The following FAT3 variants were observed in gnomAD, a reference collection of about 807,000 sequenced individuals.
The protein encoded by FAT3 is FAT atypical cadherin 3.
Under a neutral mutation model 310.2 loss-of-function variants are expected in FAT3, and 95 were observed. The ratio of observed to expected loss-of-function variants is 0.31; its 90% CI spans 0.26 to 0.36. The LOEUF (loss-of-function observed/expected upper bound fraction) is 0.36. Ranked by LOEUF, FAT3 falls within the 10% of genes least tolerant of loss-of-function variation. FAT3 has a pLI of 1.00. For missense variants in FAT3, 5,408 were observed against 5,715.6 expected (o/e 0.95, Z 1.74); for synonymous variants, 2,314 against 2,192.9 (o/e 1.06, Z -1.54).
At chr11:92,826,217 T>C (rs1042083249) in intron 13 of FAT3, among the ~76,000 whole-genome samples, 4 of 152,336 alleles carry the variant, frequency 2.6e-5, no homozygotes, top group South Asian at 4.1e-4. Context: ...AATAAGGCCA[T>C]GGCAAAGGAA....
intron 3 of FAT3, among the ~76,000 whole-genome samples, chr11:92,615,517 G>A (rs1318060205): frequency 6.6e-6 from 1 of 152,142 alleles, no homozygotes; most frequent in African/African-American, 2.4e-5. Flanking sequence ...GAAGTGCTGG[G>A]ATTACAGGCG....
intron 1 of FAT3, among the ~76,000 whole-genome samples, chr11:92,333,720 C>T (rs1264772826): frequency 6.6e-6 from 1 of 150,522 alleles, no homozygotes; most frequent in Non-Finnish European, 1.5e-5. Context: ...AAATATACAT[C>T]TTACCTTAAA....
At chr11:92,577,948 G>A (rs1938576827) in intron 3 of FAT3, among the ~76,000 whole-genome samples, 1 of 152,042 alleles carries the variant, frequency 6.6e-6, no homozygotes, top group African/African-American at 2.4e-5. Context: ...TGGAGAGAGA[G>A]AAGAGGAGAA....
intron 22 of FAT3, among the ~76,000 whole-genome samples, chr11:92,873,294 C>T (rs1236412100): frequency 1.3e-5 from 2 of 152,198 alleles, no homozygotes; most frequent in Admixed American, 1.3e-4. Context: ...CTCACCACCA[C>T]ATCACAGCCA....
intron 2 of FAT3, among the ~76,000 whole-genome samples, chr11:92,433,153 G>T (rs973953160): frequency 7.9e-5 from 12 of 152,190 alleles, no homozygotes; most frequent in Non-Finnish European, 1.6e-4. Context: ...CAAGGCAGTG[G>T]ATCTTAGTTT....
chr11:92,610,696 T>C (rs564693664), intron 3 of FAT3, among the ~76,000 whole-genome samples: 2 of 152,200 alleles, frequency 1.3e-5, no homozygotes, highest in Non-Finnish European at 2.9e-5. Context: ...GTTTCTTTTT[T>C]GCACTTATCA....
intron 2 of FAT3, among the ~76,000 whole-genome samples, chr11:92,365,956 A>G (rs991871850): frequency 1.3e-5 from 2 of 152,228 alleles, no homozygotes; most frequent in African/African-American, 4.8e-5. Context: ...AATGTAACAC[A>G]TACACTAAAG....
chr11:92,683,077 A>AAAAAAAAAAG (rs1173270759), intron 3 of FAT3, among the ~76,000 whole-genome samples: 1 of 151,516 alleles, frequency 6.6e-6, no homozygotes, highest in East Asian at 1.9e-4. Context: ...GACTCTAAAA[A>AAAAAAAAAAG]AAAAAAAAAG....
chr11:92,714,452 T>C (rs1289382685), intron 4 of FAT3, among the ~76,000 whole-genome samples: 1 of 152,116 alleles, frequency 6.6e-6, no homozygotes, highest in Non-Finnish European at 1.5e-5. Context: ...TACACTGTTG[T>C]TTCTAATCTC....
intron 1 of FAT3, among the ~76,000 whole-genome samples, chr11:92,244,057 C>T (rs1262547274): frequency 6.6e-6 from 1 of 152,018 alleles, no homozygotes; most frequent in Non-Finnish European, 1.5e-5. Context: ...TTCCTCAACT[C>T]CAGAGTCAGA....
In FAT3 at chr11:92,895,129, A is replaced by G. The variant is rs1396064457; in HGVS notation, c.*4016A>G. 6.6e-6 allele frequency: 1 copy of G among 152,252 alleles called. No individual in the cohort carries two copies. The highest frequency in any genetic ancestry group is 1.5e-5 in the Non-Finnish European group (1 of 68,040). The allele number at this position is 152,252 out of a possible 1,614,324, so 9.4% of individuals were successfully genotyped here. A position where few individuals can be genotyped will look rare whatever the true frequency, so the allele number is the denominator to read the frequency against. On this transcript the variant is annotated 3_prime_UTR_variant, in exon 28 of 28. Transcript: ENST00000525166. ...TCACTCCGCTGCCTTCCCAGTGCAC[A>G]GGTATTGCTAAAGTGGTTAGGCTTT...
At chr11:92,567,296 C>T (rs1763665914) in intron 3 of FAT3, among the ~76,000 whole-genome samples, 1 of 143,360 alleles carries the variant, frequency 7.0e-6, no homozygotes, top group African/African-American at 2.6e-5. Flanking sequence ...TGCTCACCAT[C>T]ACTGGCCATC....
chr11:92,842,317 T>C, intron 18 of FAT3, among the ~76,000 whole-genome samples: 1 of 152,212 alleles, frequency 6.6e-6, no homozygotes, highest in Non-Finnish European at 1.5e-5. Context: ...CTCCAGTCCT[T>C]CTCTGGCCAC....
chr11:92,744,258 A>G (rs1945587758), intron 4 of FAT3, among the ~76,000 whole-genome samples: 4 of 152,230 alleles, frequency 2.6e-5, no homozygotes, highest in Admixed American at 2.6e-4. Context: ...CATAATACCT[A>G]GAGAAGGAAT....
At chr11:92,243,819 G>T (rs917535380) in intron 1 of FAT3, among the ~76,000 whole-genome samples, 1 of 151,846 alleles carries the variant, frequency 6.6e-6, no homozygotes, top group Non-Finnish European at 1.5e-5. Flanking sequence ...ATTTTGATTT[G>T]GGTATCATTT....
intron 4 of FAT3, among the ~76,000 whole-genome samples, chr11:92,719,456 A>G (rs1469363016): frequency 6.7e-6 from 1 of 149,140 alleles, no homozygotes. Context: ...CAAGTCCCTT[A>G]CATAAAATGA....
intron 3 of FAT3, among the ~76,000 whole-genome samples, chr11:92,553,612 G>A (rs1954894374): frequency 6.6e-6 from 1 of 152,170 alleles, no homozygotes; most frequent in Non-Finnish European, 1.5e-5. Context: ...CACACTGGGA[G>A]CAGACCTAAA....
intron 4 of FAT3, among the ~76,000 whole-genome samples, chr11:92,725,850 T>A (rs1157152338): frequency 6.6e-6 from 1 of 152,206 alleles, no homozygotes; most frequent in Non-Finnish European, 1.5e-5. Context: ...GCAAAAGCCT[T>A]GTCAGGGTGC....
intron 7 of FAT3, among the ~76,000 whole-genome samples, chr11:92,777,015 A>G (rs1033654310): frequency 6.6e-6 from 1 of 152,162 alleles, no homozygotes; most frequent in Non-Finnish European, 1.5e-5. Context: ...GAACACTTTT[A>G]CAAAAGGACA....
Sources: allele counts gnomAD v4.1 joint callset (sites outside exome capture counted in the v4.1 genomes callset), GRCh38; gene constraint gnomAD v4.1.1; transcripts MANE v1.5; gene names NCBI Gene and HGNC (gene_info 2026-07-23, HGNC 2026-07-21).